Variants in VEGFC observed in about 807,000 individuals in gnomAD.
VEGFC encodes FLT4 ligand DHM.
A neutral mutation model predicts 46.1 loss-of-function variants in VEGFC; 12 were observed. The observed-to-expected ratio is 0.26, with a 90% CI of 0.17 to 0.42. VEGFC has a LOEUF of 0.42. VEGFC is among the 10% of genes least tolerant of loss of function. The pLI, the probability that VEGFC is intolerant of heterozygous loss-of-function variation, is 1.00. For missense variants in VEGFC, 488 were observed against 529.4 expected (o/e 0.92, Z 0.77); for synonymous variants, 232 against 195.5 (o/e 1.19, Z -1.56).
chr4:176,782,975 T>C (rs1295785770), intron 1 of VEGFC, among the ~76,000 whole-genome samples: 1 of 152,228 alleles, frequency 6.6e-6, no homozygotes, highest in Non-Finnish European at 1.5e-5. Flanking sequence ...ACCACTGATT[T>C]TTCCTCCCTT....
At position 176,714,705 on chromosome 4, in the gene VEGFC, G is replaced by C. The variant is rs1008216220; in HGVS notation, c.553-3055C>G. On this transcript the variant is annotated intron_variant, in intron 3 of 6. Transcript: ENST00000618562. ...GCCCTTCCAGATTCTGCCCCAGCCT[G>C]TTTTCCAAATGGTAGACAGATTGCC... 3.3e-5 allele frequency among the ~76,000 whole-genome samples: 5 copies of C among 152,136 alleles called. No homozygotes were observed. In the South Asian group the frequency reaches 1.0e-3, roughly 32 times the overall value.
chr4:176,716,406 G>A (rs528273236), intron 3 of VEGFC, among the ~76,000 whole-genome samples: 340 of 151,576 alleles, frequency 2.2e-3, no homozygotes, highest in East Asian at 7.0e-3. Context: ...GTGAAATCCC[G>A]TTTCTACTAA....
At chr4:176,733,924 AT>A (rs1276265489) in intron 1 of VEGFC, among the ~76,000 whole-genome samples, 1 of 151,934 alleles carries the variant, frequency 6.6e-6, no homozygotes, top group Non-Finnish European at 1.5e-5. Flanking sequence ...CTTTAAAAAA[AT>A]AATTTTGCTT....
At chr4:176,687,012 G>A (rs17697419) in intron 6 of VEGFC, among the ~76,000 whole-genome samples, 175 bp downstream of exon 6, 12,685 of 152,126 alleles carry the variant, frequency 0.083, 593 homozygotes, top group Non-Finnish European at 0.1. Flanking sequence ...TTTTTTGGAA[G>A]CAAATCCAGT....
chr4:176,693,403 G>C lies in VEGFC; in HGVS notation c.705-5476C>G, dbSNP rs1336916757. On this transcript the variant is annotated intron_variant, in intron 4 of 6. Coordinates refer to ENST00000618562, the MANE Select transcript of VEGFC (RefSeq NM_005429.5). Reference sequence around the variant, plus strand: ...CAATGGAAGATGAAATGAATGAAATGAAGCGAGAAGGGAAGTTTAGAGAAA... The same window carrying C: ...CAATGGAAGATGAAATGAATGAAATCAAGCGAGAAGGGAAGTTTAGAGAAA... Among the ~76,000 whole-genome samples, 2 of 137,336 alleles carry C rather than the reference G, an allele frequency of 1.5e-5. 1 individual carries two copies. Among genetic ancestry groups the C allele is most frequent in the African/African-American group, 6.7e-5 (2 of 29,664 alleles). The allele number at this position is 137,336 out of a possible 152,430, so 90.1% of individuals were successfully genotyped here.
intron 2 of VEGFC, among the ~76,000 whole-genome samples, chr4:176,728,486 T>C (rs1251391785): frequency 6.6e-6 from 1 of 152,176 alleles, no homozygotes. Context: ...TTGAGTAATG[T>C]CGTGGCTGCA....
chr4:176,771,454 A>G (rs73872176), intron 1 of VEGFC, among the ~76,000 whole-genome samples: 7,445 of 152,260 alleles, frequency 0.049, 565 homozygotes, highest in African/African-American at 0.17. Context: ...ATGAATTTGA[A>G]TAATAAAGCA....
At chr4:176,759,743 A>AT (rs967956134) in intron 1 of VEGFC, among the ~76,000 whole-genome samples, 1 of 151,820 alleles carries the variant, frequency 6.6e-6, no homozygotes, top group South Asian at 2.1e-4. Flanking sequence ...AAAAGTAAAA[A>AT]AAAATAAAAT....
In VEGFC at chr4:176,779,720, G is replaced by A. The variant is rs538218257; in HGVS notation, c.147+12445C>T. 1.6e-4 allele frequency among the ~76,000 whole-genome samples: 11 copies of A among 69,234 alleles called. No homozygotes were observed. In the East Asian group the frequency reaches 0.014, roughly 87 times the overall value. The allele number at this position is 69,234 out of a possible 152,430, so 45.4% of individuals were successfully genotyped here. On this transcript the variant is annotated intron_variant, in intron 1 of 6. Transcript: ENST00000618562. The stretch of plus-strand genomic sequence containing the variant: ...GGAAGGGAACTGCTAATGTCAGTGC[G>A]AAAGCAAAGCCCCCAGATAGGAAAA...
chr4:176,695,972 T>C lies in VEGFC; in HGVS notation c.705-8045A>G, dbSNP rs1441629893. The stretch of plus-strand genomic sequence containing the variant: ...AAACTCTCAATAAATTAGGTATTGA[T>C]GGGACATATTTCAAAATAATAAGAG... On this transcript the variant is annotated intron_variant, in intron 4 of 6. Coordinates refer to ENST00000618562, the MANE Select transcript of VEGFC (RefSeq NM_005429.5). Among the ~76,000 whole-genome samples the C allele has an allele frequency of 2.1e-3, 319 of 148,544 alleles. 2 individuals are homozygous for C. The highest frequency in any genetic ancestry group is 7.6e-3 in the African/African-American group (304 of 39,886).
intron 1 of VEGFC, among the ~76,000 whole-genome samples, chr4:176,778,395 A>G (rs76027523): frequency 2.4e-4 from 2 of 8,232 alleles, no homozygotes; most frequent in Non-Finnish European, 1.3e-3. Flanking sequence ...CATATTTAGG[A>G]AAAAAAAAAC....
intron 1 of VEGFC, among the ~76,000 whole-genome samples, chr4:176,773,857 ATTTTTAT>A (rs951511807): frequency 3.3e-5 from 5 of 151,674 alleles, no homozygotes; most frequent in African/African-American, 1.2e-4. Flanking sequence ...TTTAATTTTC[ATTTTTAT>A]TTTTTATTTT....
chr4:176,695,484 T>G (rs928842161), intron 4 of VEGFC, among the ~76,000 whole-genome samples: 2 of 150,678 alleles, frequency 1.3e-5, no homozygotes, highest in African/African-American at 4.9e-5. Context: ...GTGGCAATAA[T>G]CAATAGCTTA....
chr4:176,792,227 C>A lies in VEGFC; in HGVS notation c.85G>T (p.Ala29Ser), dbSNP rs1322817809. Residue 29 changes from alanine to serine, a missense_variant, in exon 1 of 7, where the codon GCC becomes TCC. Ala to Ser is a moderately conservative substitution (Grantham distance 99). Transcript: ENST00000618562. The surrounding 1 kb of genome is among the most constrained non-coding windows in gnomAD (Gnocchi z 6.3). ...TCGAGTCCGGACTCGAAGGCGGCGG[C>A]GGCGGCGGGCGCCTCGCGAGGACCC... ...LPGPREAPAA[A>S]AAFESGLDLS... 6.4e-7 allele frequency: 1 copy of A among 1,554,978 alleles called. No homozygotes were observed.
At chr4:176,736,338 C>G (rs1397620460) in intron 1 of VEGFC, among the ~76,000 whole-genome samples, 1 of 151,662 alleles carries the variant, frequency 6.6e-6, no homozygotes, top group African/African-American at 2.4e-5. Flanking sequence ...AACTACTTGT[C>G]GGCCTATGCA....
Position 176,718,498 on chromosome 4 carries a change from C to T in VEGFC, c.553-6848G>A, listed in dbSNP as rs1231708013. Among the ~76,000 whole-genome samples the T allele has an allele frequency of 2.0e-5, 3 of 151,958 alleles. No homozygotes were observed. The East Asian group carries it at 5.8e-4, about 29-fold the overall frequency. ...GAGCATGTCTTTGTTAATATACATG[C>T]TCATATTATTGATTGCTCATATTAT... On this transcript the variant is annotated intron_variant, in intron 3 of 6. Transcript: ENST00000618562.
Position 176,747,025 on chromosome 4 carries a change from T to C in VEGFC, c.148-17279A>G, listed in dbSNP as rs28380706. Among the ~76,000 whole-genome samples the C allele has an allele frequency of 3.2e-3, 485 of 152,250 alleles. 3 individuals are homozygous for C. Among genetic ancestry groups the C allele is most frequent in the African/African-American group, 0.011 (462 of 41,572 alleles). Reference sequence around the variant, plus strand: ...ATCACTTGACTGTGCGTCTGCCGCATAGCAATGCATAATGAATAAGTAGTA... The same window carrying C: ...ATCACTTGACTGTGCGTCTGCCGCACAGCAATGCATAATGAATAAGTAGTA... On this transcript the variant is annotated intron_variant, in intron 1 of 6. Transcript: ENST00000618562.
At chr4:176,749,024 A>G (rs1735300778) in intron 1 of VEGFC, among the ~76,000 whole-genome samples, 1 of 152,042 alleles carries the variant, frequency 6.6e-6, no homozygotes, top group Non-Finnish European at 1.5e-5. Flanking sequence ...GAAGAAGTTT[A>G]TAATGCAAGT....
intron 5 of VEGFC, 36 bp from the exon 6 acceptor site, chr4:176,687,556 A>G (rs930222184): frequency 6.7e-7 from 1 of 1,493,238 alleles, no homozygotes; most frequent in Non-Finnish European, 8.9e-7. Context: ...ACTATACCTT[A>G]CTTGGTTCTG....
Sources: allele counts gnomAD v4.1 joint callset (sites outside exome capture counted in the v4.1 genomes callset), GRCh38; gene constraint gnomAD v4.1.1; non-coding constraint Gnocchi (gnomAD v3.1); transcripts MANE v1.5; gene names NCBI Gene and HGNC (gene_info 2026-07-23, HGNC 2026-07-21).